ITGA2: variants seen among roughly 807,000 people sequenced by gnomAD.
ITGA2 encodes integrin subunit alpha 2, also known as integrin alpha-2.
In ITGA2, 101 loss-of-function variants were observed where a neutral mutation model predicts 146.3. That is an observed-to-expected ratio of 0.69 (90% CI 0.59 to 0.81). The LOEUF (loss-of-function observed/expected upper bound fraction) is 0.81. Among genes scored for constraint, ITGA2 ranks in the 40% least tolerant of loss-of-function variants. ITGA2 has a pLI of 0.00. For missense variants in ITGA2, 1,281 were observed against 1,402.7 expected, an observed-to-expected ratio of 0.91 and a Z score of 1.39; for synonymous variants, 477 against 487.1, an observed-to-expected ratio of 0.98 and a Z score of 0.27.
chr5:53,039,434 TA>T (rs1743667427), intron 2 of ITGA2, among the ~76,000 whole-genome samples: 2 of 152,158 alleles, frequency 1.3e-5, no homozygotes, highest in Non-Finnish European at 2.9e-5. Flanking sequence ...TTGTTTTTTT[TA>T]CATTTACTTG....
chr5:53,056,874 C>T (rs1050858924), intron 9 of ITGA2, among the ~76,000 whole-genome samples: 6 of 151,544 alleles, frequency 4.0e-5, no homozygotes, highest in African/African-American at 1.4e-4. Context: ...ATGGTTAACC[C>T]GAATAACTCT....
At chr5:52,990,622 T>G (rs140525310) in intron 1 of ITGA2, among the ~76,000 whole-genome samples, 62 of 152,098 alleles carry the variant, frequency 4.1e-4, no homozygotes, top group African/African-American at 1.4e-3. Flanking sequence ...CTGTCCTCCT[T>G]TGAGACTGAC....
intron 13 of ITGA2, among the ~76,000 whole-genome samples, chr5:53,063,868 G>T (rs1404428666): frequency 6.6e-6 from 1 of 151,768 alleles, no homozygotes; most frequent in Non-Finnish European, 1.5e-5. Flanking sequence ...TTACTTGTGA[G>T]ATATACTGAA....
At chr5:53,006,342 C>A (rs922218862) in intron 1 of ITGA2, among the ~76,000 whole-genome samples, 4 of 152,088 alleles carry the variant, frequency 2.6e-5, no homozygotes, top group African/African-American at 9.7e-5. Flanking sequence ...TCTCCTATAG[C>A]TAGATTCTTG....
chr5:53,064,894 T>C lies in ITGA2; in HGVS notation c.1603-18T>C, dbSNP rs780074556. 5.0e-6 allele frequency: 8 copies of C among 1,609,982 alleles called. No individual in the cohort carries two copies. The South Asian group carries it at 8.8e-5, about 18-fold the overall frequency. On this transcript the variant is annotated intron_variant, in intron 13 of 29. Transcript: ENST00000296585. ...TGTAAGGTTTGCTTTAATCATCCTT[T>C]TGTTTCCCCTTTGCAAGGGCATTTT...
intron 23 of ITGA2, among the ~76,000 whole-genome samples, chr5:53,077,407 C>T (rs927340435): frequency 9.9e-5 from 15 of 151,828 alleles, no homozygotes; most frequent in African/African-American, 3.4e-4. Flanking sequence ...GTAGAAATAG[C>T]GATAATAGTA....
chr5:53,077,656 T>A (rs1213126804), intron 23 of ITGA2, among the ~76,000 whole-genome samples: 1 of 152,102 alleles, frequency 6.6e-6, no homozygotes, highest in Non-Finnish European at 1.5e-5. Context: ...TTTTCCCATT[T>A]TCCATGTCAG....
intron 2 of ITGA2, among the ~76,000 whole-genome samples, chr5:53,033,799 T>C (rs1234190634): frequency 6.6e-6 from 1 of 151,666 alleles, no homozygotes; most frequent in East Asian, 1.9e-4. Flanking sequence ...AGTCTCACTC[T>C]TTTGCCCAGG....
At chr5:53,071,541 A>G (rs1184963753) in intron 17 of ITGA2, among the ~76,000 whole-genome samples, 2 of 151,820 alleles carry the variant, frequency 1.3e-5, no homozygotes, top group Admixed American at 6.6e-5. Context: ...GGAGGCCCCC[A>G]AGAGTTAAGA....
chr5:53,056,194 A>T (rs1388577382), intron 9 of ITGA2, 45 bp downstream of exon 9: 2 of 1,548,918 alleles, frequency 1.3e-6, no homozygotes, highest in Non-Finnish European at 1.8e-6. Flanking sequence ...CAAAATGTTT[A>T]AATAATTGTT....
intron 1 of ITGA2, among the ~76,000 whole-genome samples, chr5:53,007,516 A>AG (rs1296663230): frequency 1.5e-3 from 218 of 148,176 alleles, no homozygotes; most frequent in African/African-American, 5.1e-3. Context: ...AGAGAGAGAG[A>AG]AAAAAAAAAG....
rs772220945 is a variant in ITGA2, at chr5:53,080,572, C to T, written c.2990C>T (p.Thr997Ile). ...GTAATCATCCACATCCCTCAGTATACCAAAGAAAAGAACCCACTGATGTAC... is the reference window on the plus strand; with the variant it reads ...GTAATCATCCACATCCCTCAGTATATCAAAGAAAAGAACCCACTGATGTAC... Reference protein sequence around the residue: ...ATVIIHIPQYTKEKNPLMYLT... With the variant: ...ATVIIHIPQYIKEKNPLMYLT... Residue 997 changes from threonine to isoleucine, a missense_variant, in exon 25 of 30, where the codon ACC becomes ATC. Thr to Ile is a moderately conservative substitution (Grantham distance 89). Transcript: ENST00000296585. 1.2e-6 allele frequency: 2 copies of T among 1,613,572 alleles called. No homozygotes were observed. Among genetic ancestry groups the T allele is most frequent in the East Asian group, 2.2e-5 (1 of 44,842 alleles).
intron 4 of ITGA2, among the ~76,000 whole-genome samples, chr5:53,046,577 AT>A (rs1744100874): frequency 6.6e-6 from 1 of 151,956 alleles, no homozygotes; most frequent in Non-Finnish European, 1.5e-5. Context: ...AGATTACAGA[AT>A]GTGCCTCAAA....
intron 1 of ITGA2, among the ~76,000 whole-genome samples, chr5:53,004,156 A>G (rs760895822): frequency 2.0e-5 from 3 of 152,172 alleles, no homozygotes; most frequent in Non-Finnish European, 4.4e-5. Flanking sequence ...ATGCCCAGAC[A>G]TTACTAAATG....
In ITGA2 at chr5:53,090,501, A is replaced by T. The variant is rs1174876763; in HGVS notation, c.3466-18A>T. On this transcript the variant is annotated intron_variant, in intron 29 of 29. Coordinates refer to ENST00000296585, the MANE Select transcript of ITGA2 (RefSeq NM_002203.4). ...ATAAGCCACGGGTGGTAACATTCTT[A>T]TATCATCACCTTTACAGCTCGGCTT... is the stretch of plus-strand genomic sequence containing the variant. 1.9e-6 allele frequency: 3 copies of T among 1,611,722 alleles called. No individual in the cohort carries two copies. The highest frequency in any genetic ancestry group is 2.5e-6 in the Non-Finnish European group (3 of 1,178,014).
chr5:53,033,336 G>A (rs1220656953), intron 2 of ITGA2, among the ~76,000 whole-genome samples: 1 of 151,944 alleles, frequency 6.6e-6, no homozygotes, highest in East Asian at 1.9e-4. Context: ...TCATGGATGA[G>A]CTTCCATGCA....
chr5:53,090,097 C>A, intron 29 of ITGA2, 35 bp downstream of exon 29: 1 of 1,245,718 alleles, frequency 8.0e-7, no homozygotes, highest in Non-Finnish European at 1.2e-6. Context: ...ATACAGGGCT[C>A]CTGAAGGCCA....
chr5:53,005,479 G>A (rs1340414117), intron 1 of ITGA2, among the ~76,000 whole-genome samples: 1 of 151,746 alleles, frequency 6.6e-6, no homozygotes, highest in Non-Finnish European at 1.5e-5. Context: ...CTAACAGGAG[G>A]CTGAGGTAGG....
At chr5:53,040,779 C>G (rs1202835096) in intron 2 of ITGA2, among the ~76,000 whole-genome samples, 2 of 152,120 alleles carry the variant, frequency 1.3e-5, no homozygotes, top group Non-Finnish European at 2.9e-5. Context: ...AAATAATCTG[C>G]ATTTTCCTTT....
Sources: gnomAD v4.1 joint callset for allele counts (sites outside exome capture counted in the v4.1 genomes callset) on GRCh38, gnomAD v4.1.1 for gene constraint, MANE v1.5 for transcripts, NCBI Gene and HGNC (gene_info 2026-07-23, HGNC 2026-07-21) for gene names.